Variants in CHD7 observed in about 807,000 individuals in gnomAD.
The protein encoded by CHD7 is chromodomain helicase DNA binding protein 7.
CHD7 carries 24 observed loss-of-function variants against 307.3 expected under a neutral mutation model. The ratio of observed to expected loss-of-function variants is 0.08; its 90% CI spans 0.06 to 0.11. CHD7 has a LOEUF of 0.11. CHD7 is among the 10% of genes least tolerant of loss of function. CHD7 has a pLI of 1.00. For missense variants in CHD7, 3,106 were observed against 3,727.1 expected, an observed-to-expected ratio of 0.83 and a Z score of 4.34; for synonymous variants, 1,363 against 1,349.9, an observed-to-expected ratio of 1.01 and a Z score of -0.21.
At chr8:60,854,604 G>A in intron 32 of CHD7, 81 bp downstream of exon 32, 2 of 1,270,814 alleles carry the variant, frequency 1.6e-6, no homozygotes, top group Non-Finnish European at 2.1e-6. Flanking sequence ...GATTTTTCAA[G>A]TAATTTTAAG....
intron 17 of CHD7, 59 bp downstream of exon 17, chr8:60,837,071 CAG>C: frequency 7.6e-7 from 1 of 1,323,728 alleles, no homozygotes; most frequent in Non-Finnish European, 1.1e-6. Context: ...CTTACTATGA[CAG>C]AGAGTACCAG....
At chr8:60,702,458 T>C (rs1806811607) in intron 1 of CHD7, among the ~76,000 whole-genome samples, 3 of 152,214 alleles carry the variant, frequency 2.0e-5, no homozygotes, top group Admixed American at 2.0e-4. Context: ...TCTCTGACTG[T>C]CCTTTCCGAC....
rs534936527 is a variant in CHD7 at position 60,850,757 on chromosome 8, T to C, written c.5534+135T>C. The C allele has an allele frequency of 6.8e-6, 6 of 881,242 alleles. No homozygotes were observed. In the African/African-American group the frequency reaches 1.0e-4, roughly 15 times the overall value. The allele number at this position is 881,242 out of a possible 1,614,324, so 54.6% of individuals were successfully genotyped here. A position where few individuals can be genotyped will look rare whatever the true frequency, so the allele number is the denominator to read the frequency against. ...TCAGGAGATGTTTACCAGTCTACTC[T>C]ATTTGTATGTCGTAATGACTGTTTA... On this transcript the variant is annotated intron_variant, in intron 26 of 37. Transcript: ENST00000423902.
At chr8:60,821,968 G>A (rs926158328) in intron 10 of CHD7, 41 bp downstream of exon 10, 15 of 1,613,304 alleles carry the variant, frequency 9.3e-6, no homozygotes, top group Non-Finnish European at 1.2e-5. Context: ...TTTGAAAATA[G>A]CATAGTGGTG....
At chr8:60,819,969 A>G (rs919671110) in intron 8 of CHD7, 38 bp from the exon 9 acceptor site, 1 of 1,340,940 alleles carries the variant, frequency 7.5e-7, no homozygotes, top group Non-Finnish European at 1.1e-6. Context: ...CTTAGGAAAT[A>G]AGTAAACCTT....
At chr8:60,682,917 A>G (rs1254544000) in intron 1 of CHD7, among the ~76,000 whole-genome samples, 1 of 152,248 alleles carries the variant, frequency 6.6e-6, no homozygotes, top group African/African-American at 2.4e-5. Context: ...CTTTTTCAGT[A>G]AATGATTTCT....
chr8:60,715,681 T>C (rs1002744745), intron 1 of CHD7, among the ~76,000 whole-genome samples: 2 of 152,094 alleles, frequency 1.3e-5, no homozygotes, highest in African/African-American at 4.8e-5. Flanking sequence ...GTCTGAGTCA[T>C]GTTAGCCGCT....
chr8:60,778,784 G>T (rs1390353090), intron 2 of CHD7, among the ~76,000 whole-genome samples: 1 of 152,138 alleles, frequency 6.6e-6, no homozygotes, highest in Non-Finnish European at 1.5e-5. Context: ...ATTACATTAA[G>T]GAATAATATG....
At position 60,781,282 on chromosome 8, in the gene CHD7, A is replaced by G; in HGVS notation, c.1948A>G (p.Lys650Glu). ...EKKKKKRSKA[K>E]KDPKEPKEPK... is the part of the protein sequence containing the mutation. ...AAAGAAAAAGAAAAGGTCAAAGGCA[A>G]AAAAAGACCCGAAGGAACCGAAAGA... The change falls in exon 3 of 38, where the codon AAA (lysine) becomes GAA (glutamate). Residue 650 changes from lysine to glutamate, a missense_variant. By Grantham distance (56) the Lys-to-Glu change is moderately conservative. This residue lies in a region of CHD7 where 998 missense variants were observed against 1,004.5 expected (regional missense o/e 0.99). Transcript: ENST00000423902. 16 of 1,563,586 alleles carry G rather than the reference A, an allele frequency of 1.0e-5. No homozygotes were observed. The highest frequency in any genetic ancestry group is 1.4e-5 in the Non-Finnish European group (16 of 1,154,306).
intron 35 of CHD7, 177 bp downstream of exon 35, chr8:60,861,302 A>G (rs551900659): frequency 1.8e-6 from 1 of 570,052 alleles, no homozygotes; most frequent in Non-Finnish European, 3.1e-6. Context: ...TACTAGCTTC[A>G]GGTCTGTCTT....
chr8:60,772,498 A>AGC (rs1810758855), intron 2 of CHD7, among the ~76,000 whole-genome samples: 1 of 152,196 alleles, frequency 6.6e-6, no homozygotes, highest in Non-Finnish European at 1.5e-5. Context: ...CCAGCCAGGA[A>AGC]GCACTGCTGT....
chr8:60,814,649 A>G (rs1319806965), intron 7 of CHD7, among the ~76,000 whole-genome samples: 2 of 152,102 alleles, frequency 1.3e-5, no homozygotes, highest in Non-Finnish European at 2.9e-5. Flanking sequence ...TTTTCACCAT[A>G]TTGGTCAGGC....
At chr8:60,679,295 C>T (rs1805440235) in intron 1 of CHD7, among the ~76,000 whole-genome samples, 2 of 146,434 alleles carry the variant, frequency 1.4e-5, no homozygotes, top group Non-Finnish European at 3.0e-5. Flanking sequence ...CGTCGCCGCC[C>T]GCGGGGCCCG....
chr8:60,725,891 G>A (rs1033526447), intron 1 of CHD7, among the ~76,000 whole-genome samples: 1 of 152,140 alleles, frequency 6.6e-6, no homozygotes, highest in African/African-American at 2.4e-5. Context: ...GGTGGTGCTG[G>A]CAGGCATCCC....
chr8:60,795,564 T>G (rs907715148), intron 4 of CHD7, among the ~76,000 whole-genome samples: 1 of 152,208 alleles, frequency 6.6e-6, no homozygotes, highest in Admixed American at 6.5e-5. Flanking sequence ...TTCTGACATC[T>G]GGCACTCAAA....
chr8:60,735,990 C>T (rs1808683736), intron 1 of CHD7, among the ~76,000 whole-genome samples: 1 of 152,162 alleles, frequency 6.6e-6, no homozygotes, highest in African/African-American at 2.4e-5. Context: ...GATTACACAG[C>T]ACCGTCATAG....
intron 1 of CHD7, among the ~76,000 whole-genome samples, chr8:60,683,776 G>A (rs1398503623): frequency 6.6e-6 from 1 of 152,184 alleles, no homozygotes; most frequent in Non-Finnish European, 1.5e-5. Flanking sequence ...GTCTTTGTTG[G>A]CTCTGGAAGA....
intron 1 of CHD7, among the ~76,000 whole-genome samples, chr8:60,685,542 G>T (rs1032955296): frequency 6.6e-6 from 1 of 152,180 alleles, no homozygotes; most frequent in Non-Finnish European, 1.5e-5. Context: ...CCATGTTCTC[G>T]GGGCTGCAGT....
At chr8:60,826,489 C>G (rs1427443726) in intron 13 of CHD7, among the ~76,000 whole-genome samples, 1 of 152,208 alleles carries the variant, frequency 6.6e-6, no homozygotes, top group South Asian at 2.1e-4. Context: ...TAGAATAAGT[C>G]ACAGTCAAAA....
Sources: allele counts gnomAD v4.1 joint callset (sites outside exome capture counted in the v4.1 genomes callset), GRCh38; gene constraint gnomAD v4.1.1; regional missense constraint gnomAD v4.1.1; transcripts MANE v1.5; gene names NCBI Gene and HGNC (gene_info 2026-07-23, HGNC 2026-07-21).